Variants in CNTN5 observed in about 807,000 individuals in gnomAD.
The protein encoded by CNTN5 is contactin-5.
CNTN5 carries 77 observed loss-of-function variants against 129.1 expected under a neutral mutation model. The ratio of observed to expected loss-of-function variants is 0.60; its 90% CI spans 0.50 to 0.72. The LOEUF (loss-of-function observed/expected upper bound fraction) is 0.72, where lower values mean the gene tolerates loss of function less well. Among genes scored for constraint, CNTN5 ranks in the 30% least tolerant of loss-of-function variants. The pLI, the probability that CNTN5 is intolerant of heterozygous loss-of-function variation, is 0.00. For synonymous variants in CNTN5, 509 were observed against 465.6 expected, an observed-to-expected ratio of 1.09 and a Z score of -1.20; for missense variants, 1,478 against 1,328.8, an observed-to-expected ratio of 1.11 and a Z score of -1.75.
chr11:99,041,269 G>GATTCT (rs1364624521), intron 1 of CNTN5, among the ~76,000 whole-genome samples: 2 of 151,944 alleles, frequency 1.3e-5, no homozygotes, highest in Non-Finnish European at 2.9e-5. Context: ...CTCTCCTCAA[G>GATTCT]GCCTCTATCC....
chr11:99,117,935 T>C (rs1858120286), intron 1 of CNTN5, among the ~76,000 whole-genome samples: 1 of 152,234 alleles, frequency 6.6e-6, no homozygotes, highest in African/African-American at 2.4e-5. Flanking sequence ...CTATTTGTTA[T>C]AGCAGCCCGA....
chr11:99,298,588 T>A (rs1454554349), intron 1 of CNTN5, among the ~76,000 whole-genome samples: 1 of 152,162 alleles, frequency 6.6e-6, no homozygotes, highest in African/African-American at 2.4e-5. Context: ...ATTTAGTTTG[T>A]TTTAACAGAT....
chr11:99,808,711 C>T (rs1266471107), intron 3 of CNTN5, among the ~76,000 whole-genome samples: 1 of 152,140 alleles, frequency 6.6e-6, no homozygotes, highest in African/African-American at 2.4e-5. Flanking sequence ...TATCCATATT[C>T]CCATTTGTGA....
chr11:100,228,558 A>G (rs1949427441), intron 16 of CNTN5, among the ~76,000 whole-genome samples: 2 of 152,272 alleles, frequency 1.3e-5, no homozygotes, highest in African/African-American at 4.8e-5. Flanking sequence ...CAACTCAACC[A>G]CTTTTCACTG....
At chr11:99,957,406 G>T (rs960125029) in intron 8 of CNTN5, among the ~76,000 whole-genome samples, 1 of 152,102 alleles carries the variant, frequency 6.6e-6, no homozygotes, top group East Asian at 1.9e-4. Context: ...CAAATTGAAT[G>T]CTCAGGTTTT....
chr11:99,473,889 A>G (rs1043634223), intron 2 of CNTN5, among the ~76,000 whole-genome samples: 1 of 152,180 alleles, frequency 6.6e-6, no homozygotes, highest in Admixed American at 6.5e-5. Context: ...ATATATTTGA[A>G]ATAATCAGCT....
At chr11:99,821,777 C>T (rs577161132) in intron 4 of CNTN5, among the ~76,000 whole-genome samples, 25 of 152,214 alleles carry the variant, frequency 1.6e-4, no homozygotes, top group Non-Finnish European at 2.8e-4. Context: ...ATACCACTTA[C>T]AAAAAGCTCC....
chr11:99,989,604 A>G (rs1385711120), intron 8 of CNTN5, among the ~76,000 whole-genome samples: 1 of 152,118 alleles, frequency 6.6e-6, no homozygotes, highest in Non-Finnish European at 1.5e-5. Flanking sequence ...ATTGTAAAAT[A>G]TTTGTTTCTG....
At chr11:99,366,613 G>C (rs1220293698) in intron 2 of CNTN5, among the ~76,000 whole-genome samples, 2 of 152,094 alleles carry the variant, frequency 1.3e-5, no homozygotes, top group East Asian at 3.9e-4. Context: ...CAAAGACCCA[G>C]CTGAGTTCAG....
intron 6 of CNTN5, among the ~76,000 whole-genome samples, chr11:99,880,800 T>G (rs1948752593): frequency 6.6e-6 from 1 of 152,174 alleles, no homozygotes; most frequent in African/African-American, 2.4e-5. Flanking sequence ...TCATCTCTAT[T>G]TAGGTGTAGG....
intron 13 of CNTN5, among the ~76,000 whole-genome samples, chr11:100,091,463 C>G (rs1271129362): frequency 6.9e-6 from 1 of 145,744 alleles, no homozygotes; most frequent in Non-Finnish European, 1.5e-5. Context: ...GAGTCTCACC[C>G]TTTTGCCCAG....
At chr11:99,817,492 C>A (rs1278356973) in intron 3 of CNTN5, among the ~76,000 whole-genome samples, 1 of 151,656 alleles carries the variant, frequency 6.6e-6, no homozygotes, top group African/African-American at 2.4e-5. Flanking sequence ...CTTACTATGG[C>A]CTTTCTACTT....
chr11:99,825,943 C>A (rs1242583137), intron 4 of CNTN5, among the ~76,000 whole-genome samples: 1 of 152,072 alleles, frequency 6.6e-6, no homozygotes, highest in Non-Finnish European at 1.5e-5. Context: ...CAACATCTTT[C>A]TTTTCAAATG....
chr11:99,906,088 C>A (rs1294336633), intron 6 of CNTN5, among the ~76,000 whole-genome samples: 3 of 152,126 alleles, frequency 2.0e-5, no homozygotes, highest in Admixed American at 6.6e-5. Context: ...CAAACAGAGA[C>A]AATTTGACTT....
chr11:99,383,885 C>T (rs1420452194), intron 2 of CNTN5, among the ~76,000 whole-genome samples: 1 of 152,178 alleles, frequency 6.6e-6, no homozygotes, highest in African/African-American at 2.4e-5. Flanking sequence ...GGGTACAGCA[C>T]TGCCATGGTT....
chr11:99,844,682 C>T (rs1005992341), intron 4 of CNTN5, 170 bp from the exon 5 acceptor site: 12 of 618,486 alleles, frequency 1.9e-5, no homozygotes, highest in Non-Finnish European at 3.3e-5. Flanking sequence ...TGGTTCTTTA[C>T]AATTTAATAA....
At position 99,203,748 on chromosome 11, in the gene CNTN5, C is replaced by T. The variant is rs965458600; in HGVS notation, c.-209-121598C>T. 1.8e-4 allele frequency among the ~76,000 whole-genome samples: 27 copies of T among 152,114 alleles called. 1 individual carries two copies. Among genetic ancestry groups the T allele is most frequent in the African/African-American group, 6.5e-4 (27 of 41,502 alleles). On this transcript the variant is annotated intron_variant, in intron 1 of 24. Transcript: ENST00000524871. ...GAGTAGCTGGGATTACAGGCATGTGCCAGCACGTCCGGCTAATTTTTTGTA... is the reference window on the plus strand; with the variant it reads ...GAGTAGCTGGGATTACAGGCATGTGTCAGCACGTCCGGCTAATTTTTTGTA...
chr11:99,155,501 T>C (rs1195414778), intron 1 of CNTN5, among the ~76,000 whole-genome samples: 3 of 152,194 alleles, frequency 2.0e-5, no homozygotes, highest in African/African-American at 2.4e-5. Context: ...AGTGATGCGA[T>C]TGGTCATTGA....
intron 3 of CNTN5, among the ~76,000 whole-genome samples, chr11:99,816,182 C>A (rs1946580672): frequency 6.6e-6 from 1 of 152,168 alleles, no homozygotes. Context: ...ATTCCACTTT[C>A]CTACTTTTTT....
Sources: gnomAD v4.1 joint callset for allele counts (sites outside exome capture counted in the v4.1 genomes callset) on GRCh38, gnomAD v4.1.1 for gene constraint, MANE v1.5 for transcripts, NCBI Gene and HGNC (gene_info 2026-07-23, HGNC 2026-07-21) for gene names.